The following RBM20 variants were observed in gnomAD, a reference collection of about 807,000 sequenced individuals.
The protein encoded by RBM20 is RNA-binding protein 20.
RBM20 carries 51 observed loss-of-function variants against 110.1 expected under a neutral mutation model. That is an observed-to-expected ratio of 0.46 (90% CI 0.37 to 0.59). The LOEUF is 0.59. Ranked by LOEUF, RBM20 falls within the 20% of genes least tolerant of loss-of-function variation. The pLI is 0.00. For missense variants in RBM20, 1,512 were observed against 1,574.9 expected (o/e 0.96, Z 0.68); for synonymous variants, 589 against 618.2 (o/e 0.95, Z 0.70).
intron 1 of RBM20, among the ~76,000 whole-genome samples, chr10:110,759,752 CAG>C (rs1014461246): frequency 1.3e-5 from 2 of 152,220 alleles, no homozygotes; most frequent in African/African-American, 4.8e-5. Context: ...GGCTCAGCTG[CAG>C]AGTCTGTAAT....
chr10:110,699,143 TG>T (rs1862716476), intron 1 of RBM20, among the ~76,000 whole-genome samples: 1 of 151,858 alleles, frequency 6.6e-6, no homozygotes, highest in African/African-American at 2.4e-5. Context: ...GCTCCACTGA[TG>T]GACTTAACCT....
chr10:110,677,469 C>A (rs1275891596), intron 1 of RBM20, among the ~76,000 whole-genome samples: 1 of 152,152 alleles, frequency 6.6e-6, no homozygotes, highest in Admixed American at 6.5e-5. Context: ...CGGGTGCCCA[C>A]CACCACGCCC....
intron 1 of RBM20, among the ~76,000 whole-genome samples, chr10:110,655,910 T>G (rs1862020107): frequency 6.6e-6 from 1 of 151,856 alleles, no homozygotes; most frequent in Admixed American, 6.6e-5. Context: ...TGGTCTTTTT[T>G]TTTTCAATTT....
intron 1 of RBM20, among the ~76,000 whole-genome samples, chr10:110,708,233 A>G (rs10885024): frequency 0.17 from 25,184 of 152,108 alleles, 2,283 homozygotes; most frequent in East Asian, 0.32. Context: ...AGGGCCCCAC[A>G]TTTTCATTTT....
intron 12 of RBM20, among the ~76,000 whole-genome samples, chr10:110,830,658 G>C (rs1387951339): frequency 6.6e-6 from 1 of 152,106 alleles, no homozygotes; most frequent in African/African-American, 2.4e-5. Context: ...TTCTTCGAGA[G>C]TCCCGGTCAC....
intron 7 of RBM20, among the ~76,000 whole-genome samples, chr10:110,801,269 A>G (rs1166346953): frequency 2.0e-5 from 3 of 151,996 alleles, no homozygotes; most frequent in African/African-American, 7.2e-5. Context: ...TCTACTAAAA[A>G]TACAAAAATT....
At chr10:110,808,233 G>C (rs4244283) in intron 7 of RBM20, among the ~76,000 whole-genome samples, 66,415 of 152,182 alleles carry the variant, frequency 0.44, 15,034 homozygotes, top group East Asian at 0.57. Context: ...TGAAGGACCA[G>C]TGGTCTCTAG....
intron 1 of RBM20, among the ~76,000 whole-genome samples, chr10:110,714,353 C>G (rs1308152485): frequency 3.9e-5 from 6 of 152,164 alleles, no homozygotes; most frequent in Non-Finnish European, 7.3e-5. Context: ...ACCATTGCTG[C>G]AACAAATAAA....
At position 110,812,382 on chromosome 10, in the gene RBM20, C is replaced by T. The variant is rs752484044; in HGVS notation, c.1985C>T (p.Pro662Leu). 1.4e-5 allele frequency: 22 copies of T among 1,551,660 alleles called. No homozygotes were observed. The highest frequency in any genetic ancestry group is 2.4e-5 in the East Asian group (1 of 40,910). ...TCCTGCAGCTCTTCCCACAGCCCTC[C>T]GGGCCCCTCCCGGGCTGACTGGGGC... Reference protein sequence around the residue: ...FTSCSSSHSPPGPSRADWGNG... With the variant: ...FTSCSSSHSPLGPSRADWGNG... The change falls in exon 9 of 14, where the codon CCG becomes CTG. Residue 662 changes from proline (P) to leucine (L), a missense_variant. Physicochemically the swap from Pro to Leu is moderately conservative, Grantham distance 98 (BLOSUM62 -3). Around this residue, in one of 3 missense-constraint regions of RBM20, gnomAD observed 1,149 missense variants for 1,169.4 expected, o/e 0.98. Transcript: ENST00000369519.
chr10:110,797,512 C>T lies in RBM20; in HGVS notation c.1532C>T (p.Ala511Val). ...AATGATCTTTGTTCCCATTAGTTTG[C>T]ACAGCGGAAAGGGGCTGGCCGTGTG... ...FPLASVGTTF[A>V]QRKGAGRVVH... is the part of the protein sequence containing the mutation. The change falls in exon 6 of 14, where the codon GCA becomes GTA. Residue 511 changes from alanine to valine, a missense_variant. Coordinates refer to ENST00000369519, the MANE Select transcript of RBM20 (RefSeq NM_001134363.3). 2 of 1,550,312 alleles carry T rather than the reference C, an allele frequency of 1.3e-6. No homozygotes were observed. The highest frequency in any genetic ancestry group is 8.7e-7 in the Non-Finnish European group (1 of 1,146,252).
chr10:110,822,005 C>T (rs1173113686), intron 11 of RBM20, 70 bp downstream of exon 11: 1 of 1,405,042 alleles, frequency 7.1e-7, no homozygotes, highest in Non-Finnish European at 9.9e-7. Flanking sequence ...AAAGTATGAG[C>T]ATGTGCAGGC....
Position 110,836,906 on chromosome 10 carries a change from C to G in RBM20, c.*928C>G, listed in dbSNP as rs1480507755. 1 of 152,214 alleles carries G rather than the reference C, an allele frequency of 6.6e-6. No homozygotes were observed. Among genetic ancestry groups the G allele is most frequent in the Non-Finnish European group, 1.5e-5 (1 of 68,036 alleles). 9.4% of individuals were successfully genotyped at this position (152,214 alleles called of 1,614,324 possible). On this transcript the variant is annotated 3_prime_UTR_variant, in exon 14 of 14. Coordinates refer to ENST00000369519, the MANE Select transcript of RBM20 (RefSeq NM_001134363.3). ...GTTGAATGCTGGCCTCTCTGCAAAG[C>G]ACAGCTTTGGCTCGAGAGGCACAGC...
At chr10:110,740,130 G>T (rs1328482221) in intron 1 of RBM20, among the ~76,000 whole-genome samples, 1 of 152,254 alleles carries the variant, frequency 6.6e-6, no homozygotes, top group Non-Finnish European at 1.5e-5. Context: ...TCTAGTTGGA[G>T]GCCCCAGGGT....
chr10:110,682,284 A>G (rs2134861551), intron 1 of RBM20, among the ~76,000 whole-genome samples: 1 of 152,318 alleles, frequency 6.6e-6, no homozygotes, highest in East Asian at 1.9e-4. Flanking sequence ...AGAATATGAC[A>G]GTACCTCAGT....
At chr10:110,742,597 G>C (rs183706212) in intron 1 of RBM20, among the ~76,000 whole-genome samples, 43 of 152,170 alleles carry the variant, frequency 2.8e-4, no homozygotes, top group Admixed American at 9.2e-4. Context: ...CTTTACCCCC[G>C]AACTTCTTTG....
At chr10:110,783,312 G>A (rs1844377880) in intron 2 of RBM20, 54 bp from the exon 3 acceptor site, 2 of 1,393,382 alleles carry the variant, frequency 1.4e-6, no homozygotes, top group African/African-American at 1.4e-5. Context: ...CTCATCCTTT[G>A]CCTTCCCATG....
At chr10:110,831,955 G>T (rs1845061798) in intron 13 of RBM20, among the ~76,000 whole-genome samples, 2 of 151,964 alleles carry the variant, frequency 1.3e-5, no homozygotes, top group African/African-American at 4.8e-5. Flanking sequence ...CATTTGTAAG[G>T]CACCACTATT....
intron 1 of RBM20, among the ~76,000 whole-genome samples, chr10:110,707,096 T>G (rs1185026293): frequency 2.6e-5 from 4 of 152,248 alleles, no homozygotes; most frequent in Non-Finnish European, 5.9e-5. Context: ...TTGTACAGTT[T>G]AATCTGCCAA....
intron 1 of RBM20, among the ~76,000 whole-genome samples, chr10:110,743,913 G>A (rs1843749277): frequency 1.3e-5 from 2 of 152,184 alleles, no homozygotes; most frequent in African/African-American, 4.8e-5. Flanking sequence ...ACGGTGCCCA[G>A]CTGTCCTTTT....
Sources: allele counts gnomAD v4.1 joint callset (sites outside exome capture counted in the v4.1 genomes callset), GRCh38; gene constraint gnomAD v4.1.1; regional missense constraint gnomAD v4.1.1; transcripts MANE v1.5; gene names NCBI Gene and HGNC (gene_info 2026-07-23, HGNC 2026-07-21).